TRPC4: variants seen among roughly 807,000 people sequenced by gnomAD.
TRPC4 encodes the protein transient receptor potential cation channel subfamily C member 4.
TRPC4 carries 49 observed loss-of-function variants against 99.4 expected under a neutral mutation model. The ratio of observed to expected loss-of-function variants is 0.49; its 90% CI spans 0.39 to 0.63. The LOEUF is 0.63. TRPC4 is among the 20% of genes least tolerant of loss of function. The pLI, the probability that TRPC4 is intolerant of heterozygous loss-of-function variation, is 0.00. For synonymous variants in TRPC4, 454 were observed against 425.9 expected (o/e 1.07, Z -0.81); for missense variants, 898 against 1,152.9 (o/e 0.78, Z 3.20).
chr13:37,693,210 A>G (rs1452146479), intron 3 of TRPC4, among the ~76,000 whole-genome samples: 2 of 152,082 alleles, frequency 1.3e-5, no homozygotes, highest in Non-Finnish European at 2.9e-5. Flanking sequence ...CAGTTAAGCA[A>G]TATATGAATT....
chr13:37,817,080 C>A (rs1957877471), intron 1 of TRPC4, among the ~76,000 whole-genome samples: 1 of 151,994 alleles, frequency 6.6e-6, no homozygotes, highest in African/African-American at 2.4e-5. Context: ...GGAAGTCAAA[C>A]TATCCCTGTT....
chr13:37,718,064 G>A (rs726518), intron 3 of TRPC4, among the ~76,000 whole-genome samples: 14,521 of 151,718 alleles, frequency 0.096, 804 homozygotes, highest in Admixed American at 0.17. Flanking sequence ...GAATAATAAT[G>A]GCCTACAAAA....
At chr13:37,733,042 G>A (rs1229364750) in intron 3 of TRPC4, among the ~76,000 whole-genome samples, 1 of 151,524 alleles carries the variant, frequency 6.6e-6, no homozygotes, top group East Asian at 1.9e-4. Context: ...GGATGCCAAG[G>A]TGGGTGGATT....
chr13:37,778,714 T>C (rs1956768196), intron 2 of TRPC4, among the ~76,000 whole-genome samples: 1 of 151,540 alleles, frequency 6.6e-6, no homozygotes, highest in Non-Finnish European at 1.5e-5. Flanking sequence ...TAGCAAAGTC[T>C]TTTTTTCCAA....
chr13:37,714,359 T>G (rs986843281), intron 3 of TRPC4, among the ~76,000 whole-genome samples: 2 of 152,140 alleles, frequency 1.3e-5, no homozygotes, highest in Non-Finnish European at 2.9e-5. Context: ...ACTCCTGACC[T>G]CAGGTGATCC....
chr13:37,734,209 GT>G (rs1315743404), intron 3 of TRPC4, among the ~76,000 whole-genome samples: 1 of 152,150 alleles, frequency 6.6e-6, no homozygotes, highest in African/African-American at 2.4e-5. Context: ...CAATTAAGGT[GT>G]TTTATTTTTA....
chr13:37,863,170 C>G (rs1447525298), intron 1 of TRPC4, among the ~76,000 whole-genome samples: 1 of 151,474 alleles, frequency 6.6e-6, no homozygotes, highest in East Asian at 1.9e-4. Context: ...TGATGCCTTT[C>G]TCAGGACGTA....
chr13:37,657,574 T>C (rs1036141523), intron 6 of TRPC4, among the ~76,000 whole-genome samples: 14 of 152,310 alleles, frequency 9.2e-5, no homozygotes, highest in Admixed American at 9.2e-4. Flanking sequence ...TTTCCTGACA[T>C]GAATAGCAAT....
intron 8 of TRPC4, among the ~76,000 whole-genome samples, chr13:37,648,441 T>C (rs1321319641): frequency 1.3e-5 from 2 of 152,238 alleles, no homozygotes; most frequent in Admixed American, 6.5e-5. Context: ...CCCAGGGCTC[T>C]AGATTGGTGG....
chr13:37,745,499 C>CGT lies in TRPC4; in HGVS notation c.897+436_897+437dup, dbSNP rs1364578116. On this transcript the variant is annotated intron_variant, in intron 3 of 10. Transcript: ENST00000379705. Reference sequence around the variant, plus strand: ...ACACACACACACACACTTATATATACGTATATATGTATATATATACGTATA... The same window carrying CGT: ...ACACACACACACACACTTATATATACGTGTATATATGTATATATATACGTATA... Among the ~76,000 whole-genome samples the CGT allele has an allele frequency of 5.0e-4, 56 of 111,782 alleles. 1 individual carries two copies. In the East Asian group the frequency reaches 7.9e-3, roughly 16 times the overall value. 73.3% of individuals were successfully genotyped at this position (111,782 alleles called of 152,430 possible). A position where few individuals can be genotyped will look rare whatever the true frequency, so the allele number is the denominator to read the frequency against.
At chr13:37,859,882 A>G (rs930951694) in intron 1 of TRPC4, among the ~76,000 whole-genome samples, 20 of 151,468 alleles carry the variant, frequency 1.3e-4, no homozygotes, top group Admixed American at 1.2e-3. Context: ...GAAAAAATAA[A>G]AAATCATCTA....
At chr13:37,751,162 A>G (rs1384809926) in intron 2 of TRPC4, among the ~76,000 whole-genome samples, 1 of 151,936 alleles carries the variant, frequency 6.6e-6, no homozygotes, top group African/African-American at 2.4e-5. Flanking sequence ...AGCAGAGAGG[A>G]TGGACAGGGC....
intron 3 of TRPC4, among the ~76,000 whole-genome samples, chr13:37,708,701 T>A (rs891179785): frequency 2.0e-5 from 3 of 148,556 alleles, no homozygotes; most frequent in African/African-American, 7.3e-5. Flanking sequence ...AAATTATATA[T>A]ATAGTTTATA....
intron 1 of TRPC4, among the ~76,000 whole-genome samples, chr13:37,848,622 A>G (rs1041457035): frequency 6.6e-6 from 1 of 152,124 alleles, no homozygotes; most frequent in Admixed American, 6.6e-5. Context: ...TGACACACAC[A>G]CACCCTCATC....
Position 37,845,020 on chromosome 13 carries a change from T to C in TRPC4, c.-28+24575A>G, listed in dbSNP as rs556720123. Among the ~76,000 whole-genome samples the C allele has an allele frequency of 2.6e-5, 4 of 152,304 alleles. No individual in the cohort carries two copies. In the South Asian group the frequency reaches 8.3e-4, roughly 32 times the overall value. The stretch of plus-strand genomic sequence containing the variant: ...TGCAGAGCCCAGCCAGCAGCTCTAC[T>C]TGATGGCAGAGTCCAGATAGTAGCC... On this transcript the variant is annotated intron_variant, in intron 1 of 10. Transcript: ENST00000379705.
chr13:37,688,057 T>G (rs1953549356), intron 4 of TRPC4, among the ~76,000 whole-genome samples: 2 of 152,204 alleles, frequency 1.3e-5, no homozygotes. Flanking sequence ...TTGGCTTTCT[T>G]TCTTATATAA....
chr13:37,778,723 A>G (rs1294831327), intron 2 of TRPC4, among the ~76,000 whole-genome samples: 1 of 152,000 alleles, frequency 6.6e-6, no homozygotes, highest in African/African-American at 2.4e-5. Context: ...CTTTTTTTCC[A>G]AAGTGGGAAT....
At chr13:37,850,293 T>C (rs1959022057) in intron 1 of TRPC4, among the ~76,000 whole-genome samples, 1 of 152,202 alleles carries the variant, frequency 6.6e-6, no homozygotes, top group African/African-American at 2.4e-5. Flanking sequence ...CCTCTACTTC[T>C]TGTTCAGTTA....
chr13:37,643,145 A>G (rs975374047), intron 8 of TRPC4, among the ~76,000 whole-genome samples: 1 of 152,076 alleles, frequency 6.6e-6, no homozygotes, highest in Admixed American at 6.5e-5. Context: ...CTGGCACTGT[A>G]TATTTGGGTT....
Sources: allele counts gnomAD v4.1 joint callset (sites outside exome capture counted in the v4.1 genomes callset), GRCh38; gene constraint gnomAD v4.1.1; transcripts MANE v1.5; gene names NCBI Gene and HGNC (gene_info 2026-07-23, HGNC 2026-07-21).